The following CRACD variants were observed in gnomAD, a reference collection of about 807,000 sequenced individuals.
CRACD encodes capping protein inhibiting regulator of actin dynamics.
CRACD carries 56 observed loss-of-function variants against 106.8 expected under a neutral mutation model. The observed-to-expected ratio is 0.52, with a 90% CI of 0.42 to 0.66. The LOEUF (loss-of-function observed/expected upper bound fraction) is 0.66, where lower values mean the gene tolerates loss of function less well. Ranked by LOEUF, CRACD falls within the 30% of genes least tolerant of loss-of-function variation. CRACD has a pLI of 0.00. For missense variants in CRACD, 1,730 were observed against 1,623.2 expected (o/e 1.07, Z -1.13); for synonymous variants, 754 against 670.8 (o/e 1.12, Z -1.92).
At chr4:56,224,536 T>C (rs539347057) in intron 2 of CRACD, among the ~76,000 whole-genome samples, 1 of 152,290 alleles carries the variant, frequency 6.6e-6, no homozygotes, top group African/African-American at 2.4e-5. Context: ...AAAATGCAAA[T>C]TAAAACCACA....
Position 56,314,304 on chromosome 4 carries a change from G to A in CRACD, c.802G>A (p.Glu268Lys). 5 of 1,554,158 alleles carry A rather than the reference G, an allele frequency of 3.2e-6. No homozygotes were observed. In the South Asian group the frequency reaches 5.9e-5, roughly 18 times the overall value. ...RRLWEENRRQ[E>K]LLEEEGEGQE... ...GCTTTGGGAAGAGAACAGAAGGCAG[G>A]AGCTCTTGGAGGAGGAGGGCGAGGG... Residue 268 changes from glutamate (E) to lysine (K), a missense_variant, in exon 8 of 11, where the codon GAG becomes AAG. By Grantham distance (56) the Glu-to-Lys change is moderately conservative. Around this residue, in one of 5 missense-constraint regions of CRACD, gnomAD observed 1,620 missense variants for 1,481.6 expected, o/e 1.09. Coordinates refer to ENST00000682029, the MANE Select transcript of CRACD (RefSeq NM_001393381.1). This position sits in a 1 kb window ranked among gnomAD's most constrained non-coding sequence, Gnocchi z 4.4.
Position 56,328,395 on chromosome 4 carries a change from AAC to A in CRACD, c.*592_*593del, listed in dbSNP as rs752531410. On this transcript the variant is annotated 3_prime_UTR_variant, in exon 11 of 11. Coordinates refer to ENST00000682029, the MANE Select transcript of CRACD (RefSeq NM_001393381.1). Reference sequence around the variant, plus strand: ...TGAGTTTTCCCCACTCTGAAGCTGTAACCCAGAAGGCACATCCATTCACATTT... The same window carrying A: ...TGAGTTTTCCCCACTCTGAAGCTGTACCAGAAGGCACATCCATTCACATTT... 11 of 518,764 alleles carry A rather than the reference AAC, an allele frequency of 2.1e-5. No individual in the cohort carries two copies. Among genetic ancestry groups the A allele is most frequent in the Non-Finnish European group, 4.2e-5 (11 of 259,828 alleles). 32.1% of individuals were successfully genotyped at this position (518,764 alleles called of 1,614,324 possible).
intron 4 of CRACD, 60 bp from the exon 5 acceptor site, chr4:56,307,475 G>A (rs1744806190): frequency 6.4e-7 from 1 of 1,568,728 alleles, no homozygotes; most frequent in Non-Finnish European, 8.7e-7. Flanking sequence ...GGAGAACCTG[G>A]TTGTGGTGGT....
At chr4:56,218,309 A>G (rs1738825593) in intron 2 of CRACD, among the ~76,000 whole-genome samples, 1 of 151,908 alleles carries the variant, frequency 6.6e-6, no homozygotes, top group South Asian at 2.1e-4. Flanking sequence ...ACAGGGTCTC[A>G]CTATGTTATC....
At chr4:56,140,299 A>T (rs1012357595) in intron 1 of CRACD, among the ~76,000 whole-genome samples, 1 of 152,154 alleles carries the variant, frequency 6.6e-6, no homozygotes, top group African/African-American at 2.4e-5. Context: ...ATTGTAGCAG[A>T]GGCTGGAAAT....
At chr4:56,151,111 C>G (rs955173473) in intron 1 of CRACD, among the ~76,000 whole-genome samples, 2 of 152,186 alleles carry the variant, frequency 1.3e-5, no homozygotes, top group African/African-American at 2.4e-5. Context: ...ATTCTCCTGC[C>G]TCAGCCTCCC....
chr4:56,321,151 C>G, intron 8 of CRACD: 1 of 226,248 alleles, frequency 4.4e-6, no homozygotes, highest in Non-Finnish European at 9.2e-6. Context: ...TTCTGCTGGT[C>G]TCTGAGGTTC....
rs570026514 is a variant in CRACD at position 56,330,419 on chromosome 4, T to C, written c.*2615T>C. Among the ~76,000 whole-genome samples the C allele has an allele frequency of 6.6e-6, 1 of 152,330 alleles. No individual in the cohort carries two copies. Among genetic ancestry groups the C allele is most frequent in the African/African-American group, 2.4e-5 (1 of 41,586 alleles). The stretch of plus-strand genomic sequence containing the variant: ...TCTCTTCTTGTGACGTTTAGTTTAA[T>C]TGCTTATTTTAAAGCAGAAACATTA... On this transcript the variant is annotated 3_prime_UTR_variant, in exon 11 of 11. Transcript: ENST00000682029.
At chr4:56,143,657 C>T (rs979204329) in intron 1 of CRACD, among the ~76,000 whole-genome samples, 1 of 152,094 alleles carries the variant, frequency 6.6e-6, no homozygotes, top group African/African-American at 2.4e-5. Context: ...TTCAAGTAAA[C>T]CCATATTGGC....
chr4:56,077,020 T>G (rs2109804154), intron 1 of CRACD, among the ~76,000 whole-genome samples: 1 of 152,258 alleles, frequency 6.6e-6, no homozygotes, highest in East Asian at 1.9e-4. Flanking sequence ...AGTATAAGAG[T>G]ATGCTAGTGG....
intron 3 of CRACD, among the ~76,000 whole-genome samples, chr4:56,276,614 A>G (rs954541105): frequency 6.6e-6 from 1 of 152,230 alleles, no homozygotes. Context: ...TAATTTGCCT[A>G]AGGTCATATA....
intron 1 of CRACD, among the ~76,000 whole-genome samples, chr4:56,058,388 C>T (rs984256345): frequency 1.3e-5 from 2 of 152,148 alleles, no homozygotes; most frequent in African/African-American, 4.8e-5. Flanking sequence ...TTTGAGTGAG[C>T]CTTGATGGAC....
At chr4:56,106,193 C>G (rs1385535151) in intron 1 of CRACD, among the ~76,000 whole-genome samples, 1 of 152,134 alleles carries the variant, frequency 6.6e-6, no homozygotes, top group Non-Finnish European at 1.5e-5. Context: ...GACTTCTTGT[C>G]TTTTTAAAAC....
intron 2 of CRACD, among the ~76,000 whole-genome samples, chr4:56,189,295 A>G (rs886272395): frequency 6.6e-6 from 1 of 152,124 alleles, no homozygotes; most frequent in African/African-American, 2.4e-5. Flanking sequence ...CTCTCTTCCC[A>G]CTGCCATTAT....
At chr4:56,299,847 A>C (rs1389051610) in intron 4 of CRACD, among the ~76,000 whole-genome samples, 2 of 38,214 alleles carry the variant, frequency 5.2e-5, no homozygotes, top group Non-Finnish European at 1.3e-4. Flanking sequence ...ATAAACGAGC[A>C]AAAAAAAAAA....
chr4:56,051,424 T>C (rs1266641859), intron 1 of CRACD, among the ~76,000 whole-genome samples: 1 of 152,214 alleles, frequency 6.6e-6, no homozygotes, highest in Non-Finnish European at 1.5e-5. Context: ...TTTCATCATT[T>C]TAAATCATCT....
At chr4:56,053,896 AATATAG>A (rs1329264881) in intron 1 of CRACD, among the ~76,000 whole-genome samples, 3 of 152,206 alleles carry the variant, frequency 2.0e-5, no homozygotes, top group Admixed American at 1.3e-4. Flanking sequence ...GATGTAAACA[AATATAG>A]ATATAATTGC....
At chr4:56,272,805 G>A (rs1336010393) in intron 3 of CRACD, among the ~76,000 whole-genome samples, 2 of 150,938 alleles carry the variant, frequency 1.3e-5, no homozygotes, top group Non-Finnish European at 2.9e-5. Flanking sequence ...TGAGGCACAA[G>A]AATCACTTGC....
chr4:56,315,541 A>G lies in CRACD; in HGVS notation c.2039A>G (p.Glu680Gly). 6.2e-7 allele frequency: 1 copy of G among 1,614,058 alleles called. No homozygotes were observed. Among genetic ancestry groups the G allele is most frequent in the Non-Finnish European group, 8.5e-7 (1 of 1,179,998 alleles). The change falls in exon 8 of 11, where the codon GAG becomes GGG. Residue 680 changes from glutamate to glycine, a missense_variant. By Grantham distance (98) the Glu-to-Gly change is moderately conservative. This residue lies in a region of CRACD where 1,620 missense variants were observed against 1,481.6 expected (regional missense o/e 1.09). Coordinates refer to ENST00000682029, the MANE Select transcript of CRACD (RefSeq NM_001393381.1). This position sits in a 1 kb window ranked among gnomAD's most constrained non-coding sequence, Gnocchi z 4.1. Reference protein sequence around the residue: ...SIRSRILKNAESDPRSSERDQ... With the variant: ...SIRSRILKNAGSDPRSSERDQ... ...CGGTCCAGAATCCTGAAGAACGCAG[A>G]GAGTGACCCGCGCAGCAGCGAGAGG...
Sources: allele counts gnomAD v4.1 joint callset (sites outside exome capture counted in the v4.1 genomes callset), GRCh38; gene constraint gnomAD v4.1.1; regional missense constraint gnomAD v4.1.1; non-coding constraint Gnocchi (gnomAD v3.1); transcripts MANE v1.5; gene names NCBI Gene and HGNC (gene_info 2026-07-23, HGNC 2026-07-21).